KCTD1: variants seen among roughly 807,000 people sequenced by gnomAD.
KCTD1 encodes the protein BTB/POZ domain-containing protein KCTD1.
KCTD1 carries 24 observed loss-of-function variants against 66.0 expected under a neutral mutation model. The observed-to-expected ratio is 0.36, with a 90% CI of 0.26 to 0.51. The LOEUF (loss-of-function observed/expected upper bound fraction) is 0.51. KCTD1 is among the 20% of genes least tolerant of loss of function. The pLI, the probability that KCTD1 is intolerant of heterozygous loss-of-function variation, is 0.95. For synonymous variants in KCTD1, 511 were observed against 517.2 expected (o/e 0.99, Z 0.16); for missense variants, 943 against 1,205.2 (o/e 0.78, Z 3.22).
intron 1 of KCTD1, among the ~76,000 whole-genome samples, chr18:26,608,608 AC>A (rs372413591): frequency 2.6e-4 from 40 of 151,386 alleles, no homozygotes; most frequent in African/African-American, 9.2e-4. Context: ...CTGCACTGTC[AC>A]CCCCCAGCCC....
chr18:26,460,373 A>G (rs1387462631), intron 3 of KCTD1, among the ~76,000 whole-genome samples: 3 of 152,234 alleles, frequency 2.0e-5, no homozygotes, highest in Non-Finnish European at 4.4e-5. Flanking sequence ...GCATATATTG[A>G]CCAAGGGGAG....
chr18:26,536,580 T>A (rs1194600735), intron 1 of KCTD1, among the ~76,000 whole-genome samples: 1 of 152,112 alleles, frequency 6.6e-6, no homozygotes, highest in African/African-American at 2.4e-5. Context: ...CACCCCTTAC[T>A]CTCCAGGGCT....
At chr18:26,556,525 T>C (rs983388297) in intron 1 of KCTD1, among the ~76,000 whole-genome samples, 2 of 152,222 alleles carry the variant, frequency 1.3e-5, no homozygotes, top group African/African-American at 4.8e-5. Flanking sequence ...AAAAATGTGG[T>C]TTATCATTCT....
upstream of KCTD1, among the ~76,000 whole-genome samples, chr18:26,641,219 A>C (rs982462957): frequency 6.6e-6 from 1 of 152,042 alleles, no homozygotes; most frequent in Non-Finnish European, 1.5e-5. Context: ...CCCCGCTGTC[A>C]TTTACCACGT....
intron 1 of KCTD1, among the ~76,000 whole-genome samples, chr18:26,587,243 C>T (rs1425360202): frequency 3.3e-5 from 5 of 152,152 alleles, no homozygotes; most frequent in Non-Finnish European, 1.5e-5. Context: ...TCTGCCTGTG[C>T]TCTGTCAATG....
intron 1 of KCTD1, among the ~76,000 whole-genome samples, chr18:26,518,679 C>T (rs1983778050): frequency 6.6e-6 from 1 of 152,134 alleles, no homozygotes; most frequent in Non-Finnish European, 1.5e-5. Flanking sequence ...GCTCACACAC[C>T]ATCCTTACTC....
At chr18:26,590,071 GTTATT>G (rs991365447) in intron 1 of KCTD1, among the ~76,000 whole-genome samples, 1 of 152,076 alleles carries the variant, frequency 6.6e-6, no homozygotes, top group African/African-American at 2.4e-5. Context: ...AAGTGAATGC[GTTATT>G]TTATTTTATT....
chr18:26,548,351 C>G lies in KCTD1; in HGVS notation c.186G>C (p.Glu62Asp), dbSNP rs1371249153. 2.0e-6 allele frequency: 3 copies of G among 1,490,070 alleles called. No homozygotes were observed. Among genetic ancestry groups the G allele is most frequent in the Admixed American group, 2.1e-5 (1 of 48,230 alleles). 92.3% of individuals were successfully genotyped at this position (1,490,070 alleles called of 1,614,324 possible). ...TCTGCACCTCCTGGATCTCGTCCTCCTCCTCCTCTTCCTCCTCCTCCTCGC... is the reference window on the plus strand; with the variant it reads ...TCTGCACCTCCTGGATCTCGTCCTCGTCCTCCTCTTCCTCCTCCTCCTCGC... ...SAGEEEEEEE[E>D]EDEIQEVQIT... The change falls in exon 1 of 5, where the codon GAG (glutamate) becomes GAC (aspartate). Residue 62 changes from glutamate to aspartate, a missense_variant. Glu to Asp is a conservative substitution (Grantham distance 45). Around this residue, in one of 10 missense-constraint regions of KCTD1, gnomAD observed 236 missense variants for 206.6 expected, o/e 1.14. Transcript: ENST00000580059.
Position 26,494,132 on chromosome 18 carries a change from G to A in KCTD1, c.1988+6940C>T, listed in dbSNP as rs555083265. Among the ~76,000 whole-genome samples the A allele has an allele frequency of 2.0e-5, 3 of 152,326 alleles. No individual in the cohort carries two copies. In the East Asian group the frequency reaches 5.8e-4, roughly 29 times the overall value. Reference sequence around the variant, plus strand: ...CACCTGTAATCTCAACACTTTGGGAGGCTGAGGTGGGAGGATCACTTGAGG... The same window carrying A: ...CACCTGTAATCTCAACACTTTGGGAAGCTGAGGTGGGAGGATCACTTGAGG... On this transcript the variant is annotated intron_variant, in intron 2 of 4. Transcript: ENST00000580059.
intron 1 of KCTD1, among the ~76,000 whole-genome samples, chr18:26,617,276 C>T (rs961241536): frequency 2.6e-5 from 4 of 152,206 alleles, no homozygotes; most frequent in Non-Finnish European, 2.9e-5. Flanking sequence ...AATACTATTA[C>T]ATTCAGGGTC....
Position 26,608,175 on chromosome 18 carries a change from T to A in KCTD1, c.-16+20972A>T. ...GTTTACCTGTTAGCTTTTTAAATTT[T>A]AAATTTTTAATGTTTAAAATAATCC... On this transcript the variant is annotated intron_variant, in intron 1 of 4. Coordinates refer to the KCTD1 transcript ENST00000317932. Among the ~76,000 whole-genome samples, 2 of 152,384 alleles carry A rather than the reference T, an allele frequency of 1.3e-5. 1 individual carries two copies. Among genetic ancestry groups the A allele is most frequent in the South Asian group, 4.1e-4 (2 of 4,828 alleles).
chr18:26,606,682 C>T (rs948307930), intron 1 of KCTD1, among the ~76,000 whole-genome samples: 1 of 152,208 alleles, frequency 6.6e-6, no homozygotes, highest in Non-Finnish European at 1.5e-5. Flanking sequence ...CCAGTTCTGA[C>T]CATCGAGCCC....
chr18:26,465,059 C>T (rs1043190280), intron 3 of KCTD1, among the ~76,000 whole-genome samples: 1 of 152,008 alleles, frequency 6.6e-6, no homozygotes, highest in Non-Finnish European at 1.5e-5. Flanking sequence ...TCTTAATTGC[C>T]CTGGCCTTGT....
intron 1 of KCTD1, chr18:26,566,078 C>A (rs1420099187): frequency 6.6e-6 from 1 of 152,116 alleles, no homozygotes; most frequent in Admixed American, 6.6e-5. Context: ...CAGTGCCTAA[C>A]ACAGACCCTA....
intron 3 of KCTD1, among the ~76,000 whole-genome samples, chr18:26,462,976 TGGAAATA>T (rs772010495): frequency 6.0e-4 from 91 of 152,254 alleles, no homozygotes; most frequent in Non-Finnish European, 5.4e-4. Flanking sequence ...AGGTACTTGG[TGGAAATA>T]GGCAGGGGTT....
chr18:26,551,129 A>G (rs1242454547), upstream of KCTD1, among the ~76,000 whole-genome samples: 4 of 152,148 alleles, frequency 2.6e-5, no homozygotes, highest in Admixed American at 6.5e-5. Context: ...GCTGCTTTGA[A>G]TTGCTCGCAG....
intron 1 of KCTD1, among the ~76,000 whole-genome samples, chr18:26,614,005 T>C (rs1194761421): frequency 6.6e-6 from 1 of 152,194 alleles, no homozygotes; most frequent in Non-Finnish European, 1.5e-5. Flanking sequence ...CCCTTCCTCA[T>C]GTGACATTCT....
chr18:26,471,798 TAA>T (rs1397994588), intron 3 of KCTD1, among the ~76,000 whole-genome samples: 1 of 152,168 alleles, frequency 6.6e-6, no homozygotes, highest in Non-Finnish European at 1.5e-5. Flanking sequence ...TTGAATTTTT[TAA>T]AAGTGTCTCA....
chr18:26,477,112 A>T lies in KCTD1; in HGVS notation c.1989-453T>A, dbSNP rs191048418. ...ACCACGAATCCCAAACTTTCTAAAA[A>T]TAAGGCAAAGCCTATATGTTGACAT... On this transcript the variant is annotated intron_variant, in intron 2 of 4. Transcript: ENST00000580059. 2.2e-3 allele frequency among the ~76,000 whole-genome samples: 334 copies of T among 152,392 alleles called. 3 individuals carry two copies. Among genetic ancestry groups the T allele is most frequent in the African/African-American group, 7.7e-3 (321 of 41,602 alleles).
Sources: allele counts gnomAD v4.1 joint callset (sites outside exome capture counted in the v4.1 genomes callset), GRCh38; gene constraint gnomAD v4.1.1; regional missense constraint gnomAD v4.1.1; transcripts MANE v1.5; gene names NCBI Gene and HGNC (gene_info 2026-07-23, HGNC 2026-07-21).